The following ZMAT5 variants were observed in gnomAD, a reference collection of about 807,000 sequenced individuals.
The protein encoded by ZMAT5 is zinc finger matrin-type protein 5.
In ZMAT5, 23 loss-of-function variants were observed where a neutral mutation model predicts 28.0. That is an observed-to-expected ratio of 0.82 (90% CI 0.59 to 1.16). The LOEUF (loss-of-function observed/expected upper bound fraction) is 1.16. ZMAT5 is among the 50% of genes most tolerant of loss of function. The pLI is 0.00. For missense variants in ZMAT5, 173 were observed against 212.7 expected, an observed-to-expected ratio of 0.81 and a Z score of 1.16; for synonymous variants, 76 against 84.1, an observed-to-expected ratio of 0.90 and a Z score of 0.52.
Position 29,731,158 on chromosome 22 carries a change from G to A in ZMAT5, c.*67C>T, listed in dbSNP as rs746709714. ...GCCTCCATGGGGCGTAGCAGGAACC[G>A]GGCTTGGCTTCCTATTGTGACTGAT... On this transcript the variant is annotated 3_prime_UTR_variant, in exon 6 of 6. Transcript: ENST00000344318. 74 of 1,425,686 alleles carry A rather than the reference G, an allele frequency of 5.2e-5. No individual in the cohort carries two copies. The highest frequency in any genetic ancestry group is 2.8e-5 in the East Asian group (1 of 36,286). 88.3% of individuals were successfully genotyped at this position (1,425,686 alleles called of 1,614,324 possible). A position where few individuals can be genotyped will look rare whatever the true frequency, so the allele number is the denominator to read the frequency against.
At chr22:29,739,814 C>T (rs1293437116) in intron 4 of ZMAT5, among the ~76,000 whole-genome samples, 1 of 152,252 alleles carries the variant, frequency 6.6e-6, no homozygotes, top group Non-Finnish European at 1.5e-5. Context: ...CTGTGTTGGT[C>T]CCGGGGCTGC....
chr22:29,757,886 G>A (rs1227628855), intron 1 of ZMAT5, among the ~76,000 whole-genome samples: 1 of 151,990 alleles, frequency 6.6e-6, no homozygotes, highest in African/African-American at 2.4e-5. Context: ...GGTGTGGGGC[G>A]TGCACCTATA....
intron 5 of ZMAT5, among the ~76,000 whole-genome samples, chr22:29,733,340 G>A (rs946310704): frequency 2.6e-5 from 4 of 152,174 alleles, no homozygotes; most frequent in East Asian, 1.9e-4. Context: ...TCTGACCTCC[G>A]AGGGGGAGGT....
At chr22:29,765,855 G>A (rs1354020049) in intron 1 of ZMAT5, among the ~76,000 whole-genome samples, 1 of 152,142 alleles carries the variant, frequency 6.6e-6, no homozygotes, top group Non-Finnish European at 1.5e-5. Flanking sequence ...ACGACAGACC[G>A]AGACTCCATC....
intron 5 of ZMAT5, among the ~76,000 whole-genome samples, chr22:29,733,644 G>C (rs377660885): frequency 6.6e-6 from 1 of 152,226 alleles, no homozygotes; most frequent in Non-Finnish European, 1.5e-5. Flanking sequence ...GAGTGCCCTA[G>C]CTGCCAGCCA....
intron 1 of ZMAT5, among the ~76,000 whole-genome samples, chr22:29,766,544 G>A (rs1601735665): frequency 6.6e-6 from 1 of 152,206 alleles, no homozygotes; most frequent in African/African-American, 2.4e-5. Context: ...TCTGTTGAAT[G>A]CCCCAGGTAC....
chr22:29,754,421 GACA>G (rs1284170011), intron 1 of ZMAT5, among the ~76,000 whole-genome samples: 1 of 152,208 alleles, frequency 6.6e-6, no homozygotes, highest in Non-Finnish European at 1.5e-5. Context: ...AGGCTAGTGG[GACA>G]ACCTCTGGGT....
chr22:29,752,484 C>A (rs1278477653), intron 1 of ZMAT5, among the ~76,000 whole-genome samples: 1 of 152,178 alleles, frequency 6.6e-6, no homozygotes, highest in Non-Finnish European at 1.5e-5. Flanking sequence ...CCTCTGCCCA[C>A]CCATCATCTA....
intron 1 of ZMAT5, among the ~76,000 whole-genome samples, chr22:29,762,205 G>A (rs980055421): frequency 6.6e-6 from 1 of 152,204 alleles, no homozygotes; most frequent in South Asian, 2.1e-4. Flanking sequence ...ATAGGGATGA[G>A]TGTCTTGAGA....
chr22:29,739,080 T>C (rs2067936732), intron 4 of ZMAT5, among the ~76,000 whole-genome samples: 1 of 151,346 alleles, frequency 6.6e-6, no homozygotes, highest in African/African-American at 2.4e-5. Flanking sequence ...AGGGAGGCAG[T>C]GAGGGCAGTC....
rs142160138 is a variant in ZMAT5, at chr22:29,730,986, G to A, written c.*239C>T. 1.3e-3 allele frequency: 504 copies of A among 385,006 alleles called. 3 individuals are homozygous for A. The highest frequency in any genetic ancestry group is 9.9e-3 in the African/African-American group (474 of 47,868). 23.8% of individuals were successfully genotyped at this position (385,006 alleles called of 1,614,324 possible). The stretch of plus-strand genomic sequence containing the variant: ...TGACAGACTTTCTTTATAAACATTT[G>A]GAAGTTTTCTCCCCCATCTTCTTAA... On this transcript the variant is annotated 3_prime_UTR_variant, in exon 6 of 6. Coordinates refer to ENST00000344318, the MANE Select transcript of ZMAT5 (RefSeq NM_001003692.2).
rs752296252 is a variant in ZMAT5 at position 29,748,488 on chromosome 22, G to A, written c.57C>T (p.His19=). 6.2e-7 allele frequency: 1 copy of A among 1,614,152 alleles called. No individual in the cohort carries two copies. The highest frequency in any genetic ancestry group is 8.5e-7 in the Non-Finnish European group (1 of 1,180,046). The change falls in exon 2 of 6, where the codon CAC becomes CAT. Residue 19 remains histidine (H), a synonymous_variant. Transcript: ENST00000344318. ...GCCCGTTCAGGTGCTTCTTGCGGTT[G>A]TGGAGGTTGTCCTGGAAGGAGCGGT... ...YCDRSFQDNL[H]NRKKHLNGLQ... is the part of the protein sequence containing the mutation.
chr22:29,744,324 G>A (rs902218325), intron 2 of ZMAT5, among the ~76,000 whole-genome samples: 5 of 147,156 alleles, frequency 3.4e-5, no homozygotes, highest in Non-Finnish European at 7.5e-5. Context: ...GGAAAACAGA[G>A]GTTCAGACAA....
chr22:29,765,793 G>A (rs910371619), intron 1 of ZMAT5, among the ~76,000 whole-genome samples: 2 of 152,092 alleles, frequency 1.3e-5, no homozygotes, highest in East Asian at 1.9e-4. Flanking sequence ...ACTTGAACCC[G>A]GGAGGCGGAG....
At chr22:29,748,595 A>T in intron 1 of ZMAT5, 24 bp from the exon 2 acceptor site, 2 of 1,611,520 alleles carry the variant, frequency 1.2e-6, no homozygotes, top group Non-Finnish European at 1.7e-6. Flanking sequence ...AAGAGCTCAG[A>T]TTAGACCATT....
chr22:29,764,593 C>T (rs902591333), intron 1 of ZMAT5, among the ~76,000 whole-genome samples: 2 of 152,158 alleles, frequency 1.3e-5, no homozygotes, highest in African/African-American at 4.8e-5. Flanking sequence ...CTCCGCCTCC[C>T]AGGTTCAAGC....
chr22:29,731,147 T>C lies in ZMAT5; in HGVS notation c.*78A>G, dbSNP rs770623089. 5.8e-5 allele frequency: 82 copies of C among 1,403,094 alleles called. No homozygotes were observed. The highest frequency in any genetic ancestry group is 5.2e-4 in the Middle Eastern group (2 of 3,844). 86.9% of individuals were successfully genotyped at this position (1,403,094 alleles called of 1,614,324 possible). On this transcript the variant is annotated 3_prime_UTR_variant, in exon 6 of 6. Transcript: ENST00000344318. ...ATGGTCTCGGAGCCTCCATGGGGCGTAGCAGGAACCGGGCTTGGCTTCCTA... is the reference window on the plus strand; with the variant it reads ...ATGGTCTCGGAGCCTCCATGGGGCGCAGCAGGAACCGGGCTTGGCTTCCTA...
At chr22:29,748,187 C>T (rs866972709) in intron 2 of ZMAT5, 4 of 587,574 alleles carry the variant, frequency 6.8e-6, no homozygotes, top group Middle Eastern at 6.4e-4. Context: ...GCTCAAACAT[C>T]ACCTCCTTCT....
intron 1 of ZMAT5, among the ~76,000 whole-genome samples, chr22:29,754,543 C>G (rs1031159466): frequency 6.6e-5 from 10 of 152,216 alleles, no homozygotes; most frequent in Admixed American, 6.5e-4. Flanking sequence ...ATGGATCCCA[C>G]AGCTGCTGAG....
Sources: gnomAD v4.1 joint callset for allele counts (sites outside exome capture counted in the v4.1 genomes callset) on GRCh38, gnomAD v4.1.1 for gene constraint, MANE v1.5 for transcripts, NCBI Gene and HGNC (gene_info 2026-07-23, HGNC 2026-07-21) for gene names.